Variants in GIGYF2 observed in about 807,000 individuals in gnomAD.
The protein encoded by GIGYF2 is GRB10 interacting GYF protein 2.
A neutral mutation model predicts 208.1 loss-of-function variants in GIGYF2; 25 were observed. The observed-to-expected ratio is 0.12, with a 90% CI of 0.09 to 0.17. The LOEUF is 0.17. Among genes scored for constraint, GIGYF2 ranks in the 10% least tolerant of loss-of-function variants. The probability of loss-of-function intolerance (pLI) is 1.00; values close to 1 mark genes in which losing one functional copy is unlikely to be tolerated. For synonymous variants in GIGYF2, 534 were observed against 543.8 expected, an observed-to-expected ratio of 0.98 and a Z score of 0.25; for missense variants, 1,302 against 1,579.4, an observed-to-expected ratio of 0.82 and a Z score of 2.98.
rs746602953 is a variant in GIGYF2 at position 232,794,735 on chromosome 2, T to C, written c.1283-13T>C. The C allele has an allele frequency of 6.2e-7, 1 of 1,607,180 alleles. No individual in the cohort carries two copies. Among genetic ancestry groups the C allele is most frequent in the Non-Finnish European group, 8.5e-7 (1 of 1,173,698 alleles). On this transcript the variant is annotated splice_polypyrimidine_tract_variant and intron_variant, in intron 12 of 28. Coordinates refer to ENST00000373563, the MANE Select transcript of GIGYF2 (RefSeq NM_001103146.3). ...GTATTTCAAAGGATTTTCATCTGAT[T>C]TTTTCCCCCTAGAAATGGTTGCTGA...
chr2:232,731,100 C>G (rs1697471333), intron 2 of GIGYF2: 1 of 151,988 alleles, frequency 6.6e-6, no homozygotes, highest in Admixed American at 6.6e-5. Context: ...ACAGAATTTC[C>G]TTGCTTGTTG....
At chr2:232,852,713 A>T (rs533854577) in intron 28 of GIGYF2, among the ~76,000 whole-genome samples, 1 of 152,138 alleles carries the variant, frequency 6.6e-6, no homozygotes, top group East Asian at 1.9e-4. Context: ...GCAGCCTGAA[A>T]TTTTTTCCAA....
intron 3 of GIGYF2, among the ~76,000 whole-genome samples, chr2:232,742,483 G>A (rs545435190): frequency 6.6e-5 from 10 of 152,204 alleles, no homozygotes; most frequent in Non-Finnish European, 1.3e-4. Flanking sequence ...GGAGGTTGCA[G>A]TGAGCTGAGC....
chr2:232,733,602 TA>T (rs2106293618), intron 2 of GIGYF2, among the ~76,000 whole-genome samples: 1 of 152,308 alleles, frequency 6.6e-6, no homozygotes, highest in South Asian at 2.1e-4. Context: ...TGATGTATCT[TA>T]GAGATATTTT....
At chr2:232,804,705 C>G (rs911973457) in intron 14 of GIGYF2, among the ~76,000 whole-genome samples, 1 of 152,096 alleles carries the variant, frequency 6.6e-6, no homozygotes, top group African/African-American at 2.4e-5. Context: ...GTTGGCCAGG[C>G]TGGTCTCGAA....
intron 2 of GIGYF2, among the ~76,000 whole-genome samples, chr2:232,707,552 TG>T (rs1320935032): frequency 1.3e-5 from 2 of 152,180 alleles, no homozygotes; most frequent in Non-Finnish European, 2.9e-5. Flanking sequence ...GCAGCCGTCC[TG>T]CAAGATCAGT....
At chr2:232,747,379 G>A (rs778703995) in intron 3 of GIGYF2, among the ~76,000 whole-genome samples, 3 of 152,104 alleles carry the variant, frequency 2.0e-5, no homozygotes, top group Non-Finnish European at 4.4e-5. Context: ...GGACATAGCC[G>A]TGATGCCTTT....
chr2:232,722,670 G>A (rs1486128859), intron 2 of GIGYF2: 1 of 152,202 alleles, frequency 6.6e-6, no homozygotes, highest in African/African-American at 2.4e-5. Flanking sequence ...TAATAGTGAT[G>A]TATCAATGTT....
intron 8 of GIGYF2, among the ~76,000 whole-genome samples, chr2:232,786,244 A>G (rs1263112312): frequency 6.1e-5 from 9 of 148,682 alleles, no homozygotes; most frequent in Non-Finnish European, 1.0e-4. Flanking sequence ...CTACTTTTCA[A>G]TTTTTTTTTT....
At chr2:232,725,319 C>T (rs1360853604) in intron 2 of GIGYF2, among the ~76,000 whole-genome samples, 1 of 152,178 alleles carries the variant, frequency 6.6e-6, no homozygotes, top group African/African-American at 2.4e-5. Flanking sequence ...GTTTTTTAGC[C>T]TGTTGAACAA....
chr2:232,764,385 GT>G (rs1423588705), intron 8 of GIGYF2: 1 of 152,218 alleles, frequency 6.6e-6, no homozygotes, highest in Admixed American at 6.5e-5. Flanking sequence ...CTTTTATGTT[GT>G]CACAGGCAAG....
intron 27 of GIGYF2, among the ~76,000 whole-genome samples, chr2:232,848,573 C>T (rs1702095177): frequency 6.6e-6 from 1 of 152,124 alleles, no homozygotes; most frequent in Admixed American, 6.5e-5. Context: ...GCAGAGGTTG[C>T]AGTGAGCCAA....
At chr2:232,802,004 G>C (rs965877841) in intron 14 of GIGYF2, among the ~76,000 whole-genome samples, 3 of 152,092 alleles carry the variant, frequency 2.0e-5, no homozygotes, top group East Asian at 1.9e-4. Flanking sequence ...GGTTAATCCC[G>C]AAGTATGTAT....
At chr2:232,713,167 T>C (rs2106259816) in intron 2 of GIGYF2, among the ~76,000 whole-genome samples, 1 of 151,990 alleles carries the variant, frequency 6.6e-6, no homozygotes, top group East Asian at 1.9e-4. Flanking sequence ...CCACCGCCTC[T>C]TGGGTTCAAG....
chr2:232,834,648 C>T (rs973910321), intron 22 of GIGYF2, among the ~76,000 whole-genome samples: 1 of 152,154 alleles, frequency 6.6e-6, no homozygotes, highest in Non-Finnish European at 1.5e-5. Flanking sequence ...TCCTTTCTCT[C>T]TCTCCTTCAG....
intron 5 of GIGYF2, among the ~76,000 whole-genome samples, chr2:232,752,534 G>C (rs1698372907): frequency 6.6e-6 from 1 of 152,066 alleles, no homozygotes; most frequent in Non-Finnish European, 1.5e-5. Context: ...CATCAAAGAA[G>C]TTACTTTATT....
chr2:232,780,713 A>G (rs1699684299), intron 8 of GIGYF2, among the ~76,000 whole-genome samples: 1 of 152,196 alleles, frequency 6.6e-6, no homozygotes, highest in Non-Finnish European at 1.5e-5. Flanking sequence ...TAAATCTGTT[A>G]AGATTTTAAA....
intron 22 of GIGYF2, among the ~76,000 whole-genome samples, chr2:232,834,874 T>G (rs1204103845): frequency 6.6e-6 from 1 of 152,176 alleles, no homozygotes; most frequent in Non-Finnish European, 1.5e-5. Flanking sequence ...ATTTAGGGCA[T>G]GCAAGTGTAG....
chr2:232,730,969 A>G lies in GIGYF2; in HGVS notation c.-43-4186A>G, dbSNP rs12104882. ...AATTTTCTTACAGAAACCATGTTGT[A>G]AATGGTAGTTGGGTTCCCAGCTCAA... is the stretch of plus-strand genomic sequence containing the variant. On this transcript the variant is annotated intron_variant, in intron 2 of 28. Transcript: ENST00000373563. 4.8e-3 allele frequency among the ~76,000 whole-genome samples: 735 copies of G among 152,076 alleles called. 4 individuals carry two copies. The highest frequency in any genetic ancestry group is 0.017 in the African/African-American group (724 of 41,498).
Sources: gnomAD v4.1 joint callset for allele counts (sites outside exome capture counted in the v4.1 genomes callset) on GRCh38, gnomAD v4.1.1 for gene constraint, MANE v1.5 for transcripts, NCBI Gene and HGNC (gene_info 2026-07-23, HGNC 2026-07-21) for gene names.